CCL22: variants seen among roughly 807,000 people sequenced by gnomAD.
CCL22 encodes the protein C-C motif chemokine 22.
In CCL22, 7 loss-of-function variants were observed where a neutral mutation model predicts 7.6. The observed-to-expected ratio is 0.92, with a 90% confidence interval of 0.52 to 1.72. The LOEUF (loss-of-function observed/expected upper bound fraction) is 1.72. Among genes scored for constraint, CCL22 ranks in the 40% most tolerant of loss-of-function variants. The pLI, the probability that CCL22 is intolerant of heterozygous loss-of-function variation, is 0.00. For missense variants in CCL22, 115 were observed against 124.7 expected (o/e 0.92, Z 0.37); for synonymous variants, 55 against 47.2 (o/e 1.17, Z -0.68).
At position 57,364,826 on chromosome 16, in the gene CCL22, A is replaced by G; in HGVS notation, c.*1238A>G. ...CCCAACTTTTTTTTTTTTTTATGGC[A>G]GGGTCTCACTCTGTCGCCCAGGCTG... On this transcript the variant is annotated 3_prime_UTR_variant, in exon 3 of 3. Transcript: ENST00000219235. 1.8e-5 allele frequency: 2 copies of G among 114,040 alleles called. 1 individual carries two copies. Among genetic ancestry groups the G allele is most frequent in the Non-Finnish European group, 3.5e-5 (2 of 57,950 alleles). The allele number at this position is 114,040 out of a possible 1,614,324, so 7.1% of individuals were successfully genotyped here. A position where few individuals can be genotyped will look rare whatever the true frequency, so the allele number is the denominator to read the frequency against.
At chr16:57,358,340 C>T (rs535393786), upstream of CCL22, among the ~76,000 whole-genome samples, 1 of 152,182 alleles carries the variant, frequency 6.6e-6, no homozygotes, top group South Asian at 2.1e-4. Flanking sequence ...TGAAGAGAGA[C>T]CAGTAATGCC....
At chr16:57,358,712 C>A, upstream of CCL22, 1 of 828,208 alleles carries the variant, frequency 1.2e-6, no homozygotes, top group Non-Finnish European at 2.1e-6. Context: ...ACCCCGGTGA[C>A]TAAGAGGTAA....
At chr16:57,362,744 C>T (rs1902062696) in intron 2 of CCL22, among the ~76,000 whole-genome samples, 1 of 151,296 alleles carries the variant, frequency 6.6e-6, no homozygotes, top group Non-Finnish European at 1.5e-5. Context: ...ACCTGTAATC[C>T]CGGCTACTCG....
In CCL22 at chr16:57,360,488, G is replaced by A. The variant is rs372322461; in HGVS notation, c.125G>A (p.Arg42His). The A allele has an allele frequency of 6.5e-5, 105 of 1,614,116 alleles. No homozygotes were observed. The highest frequency in any genetic ancestry group is 1.6e-4 in the Middle Eastern group (1 of 6,084). The change falls in exon 2 of 3, where the codon CGT (arginine) becomes CAT (histidine). Residue 42 changes from arginine to histidine, a missense_variant. Arg to His is a conservative substitution (Grantham distance 29, BLOSUM62 0). Transcript: ENST00000219235. ...EDSVCCRDYV[R>H]YRLPLRVVKH... is the part of the protein sequence containing the mutation. ...AGCGTCTGCTGCCGTGATTACGTCC[G>A]TTACCGTCTGCCCCTGCGCGTGGTG...
intron 2 of CCL22, among the ~76,000 whole-genome samples, chr16:57,361,022 G>A (rs1294441858): frequency 1.3e-5 from 2 of 152,170 alleles, no homozygotes; most frequent in African/African-American, 4.8e-5. Flanking sequence ...CACTTTGGGA[G>A]GCCGAGGCAG....
At position 57,363,553 on chromosome 16, in the gene CCL22, T is replaced by G; in HGVS notation, c.247T>G (p.Trp83Gly). The change falls in exon 3 of 3, where the codon TGG becomes GGG. Residue 83 changes from tryptophan to glycine, a missense_variant. Coordinates refer to ENST00000219235, the MANE Select transcript of CCL22 (RefSeq NM_002990.5). ...KEICADPRVP[W>G]VKMILNKLSQ is the part of the protein sequence containing the mutation. ...GATCTGTGCCGATCCCAGAGTGCCC[T>G]GGGTGAAGATGATTCTCAATAAGCT... The G allele has an allele frequency of 6.2e-7, 1 of 1,613,750 alleles. No homozygotes were observed. Among genetic ancestry groups the G allele is most frequent in the Non-Finnish European group, 8.5e-7 (1 of 1,179,738 alleles).
chr16:57,357,938 T>A (rs1902004384), upstream of CCL22, among the ~76,000 whole-genome samples: 1 of 151,942 alleles, frequency 6.6e-6, no homozygotes, highest in Admixed American at 6.6e-5. Flanking sequence ...TTTAGGTGAA[T>A]GGGGAGCCAC....
At chr16:57,358,212 C>A (rs1313706278), upstream of CCL22, among the ~76,000 whole-genome samples, 2 of 152,118 alleles carry the variant, frequency 1.3e-5, no homozygotes, top group Non-Finnish European at 2.9e-5. Context: ...GAAGATCAGG[C>A]AGGACAGAAG....
In CCL22 at chr16:57,365,338, A is replaced by C. The variant is rs371730426; in HGVS notation, c.*1750A>C. 15 of 152,178 alleles carry C rather than the reference A, an allele frequency of 9.9e-5. No homozygotes were observed. The highest frequency in any genetic ancestry group is 3.6e-4 in the African/African-American group (15 of 41,444). The allele number at this position is 152,178 out of a possible 1,614,324, so 9.4% of individuals were successfully genotyped here. On this transcript the variant is annotated 3_prime_UTR_variant, in exon 3 of 3. Coordinates refer to ENST00000219235, the MANE Select transcript of CCL22 (RefSeq NM_002990.5). ...AAGACTACCTTTGACTTGGTATTAT[A>C]AGCTGGAGTTATATATGTATTTGAA...
intron 2 of CCL22, among the ~76,000 whole-genome samples, chr16:57,362,070 G>A (rs1902055383): frequency 6.6e-6 from 1 of 152,190 alleles, no homozygotes; most frequent in Non-Finnish European, 1.5e-5. Context: ...ATCCTATGCA[G>A]TAGGTGCCAT....
Position 57,363,843 on chromosome 16 carries a change from A to C in CCL22, c.*255A>C. 2.3e-6 allele frequency: 1 copy of C among 435,988 alleles called. No homozygotes were observed. The highest frequency in any genetic ancestry group is 4.2e-6 in the Non-Finnish European group (1 of 237,614). The allele number at this position is 435,988 out of a possible 1,614,324, so 27.0% of individuals were successfully genotyped here. ...TCCCATCAGCGATTCCCCTGCTTAAACCCTTCCATGACTCCCCACTGCCCT... is the reference window on the plus strand; with the variant it reads ...TCCCATCAGCGATTCCCCTGCTTAACCCCTTCCATGACTCCCCACTGCCCT... On this transcript the variant is annotated 3_prime_UTR_variant, in exon 3 of 3. Coordinates refer to ENST00000219235, the MANE Select transcript of CCL22 (RefSeq NM_002990.5).
At position 57,364,796 on chromosome 16, in the gene CCL22, C is replaced by G. The variant is rs867546666; in HGVS notation, c.*1208C>G. On this transcript the variant is annotated 3_prime_UTR_variant, in exon 3 of 3. Transcript: ENST00000219235. ...GCCTGGCCTCTTCCCTCTCCCCACCCCCCCCCCAACTTTTTTTTTTTTTTA... is the reference window on the plus strand; with the variant it reads ...GCCTGGCCTCTTCCCTCTCCCCACCGCCCCCCCAACTTTTTTTTTTTTTTA... 7.6e-4 allele frequency: 27 copies of G among 35,678 alleles called. 1 individual carries two copies. Among genetic ancestry groups the G allele is most frequent in the Admixed American group, 2.6e-3 (8 of 3,070 alleles). The allele number at this position is 35,678 out of a possible 1,614,324, so 2.2% of individuals were successfully genotyped here. A position where few individuals can be genotyped will look rare whatever the true frequency, so the allele number is the denominator to read the frequency against.
At chr16:57,358,941 G>C (rs41498250) in intron 1 of CCL22, 52 bp downstream of exon 1, 2 of 1,366,324 alleles carry the variant, frequency 1.5e-6, no homozygotes, top group African/African-American at 2.9e-5. Context: ...CAGACGGTGG[G>C]GTGTCTTCCT....
intron 2 of CCL22, among the ~76,000 whole-genome samples, chr16:57,361,999 C>T (rs1343698811): frequency 6.6e-6 from 1 of 152,196 alleles, no homozygotes; most frequent in African/African-American, 2.4e-5. Context: ...AGAGTGCTTG[C>T]TAAGTGCTAG....
intron 1 of CCL22, 91 bp downstream of exon 1, chr16:57,358,980 G>A: frequency 2.0e-6 from 2 of 991,546 alleles, no homozygotes; most frequent in Non-Finnish European, 1.6e-6. Flanking sequence ...TGGACCAAGA[G>A]CAGAAGACCT....
At chr16:57,362,677 A>T (rs1217602415) in intron 2 of CCL22, among the ~76,000 whole-genome samples, 1 of 152,096 alleles carries the variant, frequency 6.6e-6, no homozygotes, top group African/African-American at 2.4e-5. Context: ...CCTGGCCAAC[A>T]TGGTGAAAAC....
intron 2 of CCL22, among the ~76,000 whole-genome samples, chr16:57,361,103 T>C (rs1902044178): frequency 6.6e-6 from 1 of 151,834 alleles, no homozygotes; most frequent in South Asian, 2.1e-4. Context: ...CTACTAAAAA[T>C]ACAAAATTAG....
chr16:57,363,932 C>A lies in CCL22; in HGVS notation c.*344C>A. 4.2e-6 allele frequency: 1 copy of A among 239,666 alleles called. No individual in the cohort carries two copies. The highest frequency in any genetic ancestry group is 8.3e-6 in the Non-Finnish European group (1 of 120,580). The allele number at this position is 239,666 out of a possible 1,614,324, so 14.8% of individuals were successfully genotyped here. A position where few individuals can be genotyped will look rare whatever the true frequency, so the allele number is the denominator to read the frequency against. ...CTGGATCTGGGTTCCATCTCTGTCT[C>A]CAGCCTGCCCACTTCCCTTCATGAA... On this transcript the variant is annotated 3_prime_UTR_variant, in exon 3 of 3. Transcript: ENST00000219235.
intron 2 of CCL22, among the ~76,000 whole-genome samples, chr16:57,361,036 G>C (rs1165389242): frequency 6.6e-6 from 1 of 152,128 alleles, no homozygotes; most frequent in African/African-American, 2.4e-5. Flanking sequence ...GAGGCAGGCA[G>C]ATCACTTGAG....
Sources: gnomAD v4.1 joint callset for allele counts (sites outside exome capture counted in the v4.1 genomes callset) on GRCh38, gnomAD v4.1.1 for gene constraint, MANE v1.5 for transcripts, NCBI Gene and HGNC (gene_info 2026-07-23, HGNC 2026-07-21) for gene names.